PTBP3: variants seen among roughly 807,000 people sequenced by gnomAD.
The protein encoded by PTBP3 is polypyrimidine tract-binding protein 3.
A neutral mutation model predicts 58.7 loss-of-function variants in PTBP3; 20 were observed. That is an observed-to-expected ratio of 0.34 (90% CI 0.24 to 0.50). The LOEUF is 0.50. PTBP3 is among the 20% of genes least tolerant of loss of function. PTBP3 has a pLI of 0.98. For missense variants in PTBP3, 509 were observed against 637.2 expected (o/e 0.80, Z 2.17); for synonymous variants, 185 against 219.8 (o/e 0.84, Z 1.40).
intron 6 of PTBP3, 39 bp downstream of exon 6, chr9:112,252,639 T>A: frequency 1.4e-6 from 2 of 1,422,480 alleles, no homozygotes; most frequent in Non-Finnish European, 2.0e-6. Flanking sequence ...ATCACTGGAG[T>A]GATTAACAAT....
the PTBP3 span, among the ~76,000 whole-genome samples, chr9:112,343,463 C>T: frequency 6.6e-6 from 1 of 152,158 alleles, no homozygotes; most frequent in African/African-American, 2.4e-5. Flanking sequence ...TATTATCCAA[C>T]TTTAAAAATT....
intron 10 of PTBP3, among the ~76,000 whole-genome samples, chr9:112,229,883 TTAAC>T (rs1835134613): frequency 6.6e-6 from 1 of 152,162 alleles, no homozygotes; most frequent in Non-Finnish European, 1.5e-5. Flanking sequence ...GAGTGAGAAA[TTAAC>T]TACTTTTGGT....
intron 1 of PTBP3, among the ~76,000 whole-genome samples, chr9:112,325,704 T>C (rs572034170): frequency 1.2e-4 from 18 of 151,972 alleles, no homozygotes; most frequent in Non-Finnish European, 2.1e-4. Context: ...TTATGCTCTA[T>C]GATTCCATTT....
the PTBP3 span, among the ~76,000 whole-genome samples, chr9:112,348,974 G>T: frequency 6.6e-6 from 1 of 152,156 alleles, no homozygotes; most frequent in African/African-American, 2.4e-5. Context: ...TGGTGTTGTG[G>T]TATAAGAAAT....
the PTBP3 span, among the ~76,000 whole-genome samples, chr9:112,371,438 GT>G: frequency 3.3e-5 from 5 of 152,068 alleles, no homozygotes; most frequent in African/African-American, 1.2e-4. Flanking sequence ...TAATTCATCT[GT>G]TTCAACTCAA....
At chr9:112,290,530 T>C (rs1279625779) in intron 2 of PTBP3, among the ~76,000 whole-genome samples, 1 of 151,084 alleles carries the variant, frequency 6.6e-6, no homozygotes, top group Non-Finnish European at 1.5e-5. Context: ...AAATTAGCCA[T>C]GTGTAGTGGC....
chr9:112,338,180 G>A (rs1354680933), upstream of PTBP3, among the ~76,000 whole-genome samples: 1 of 152,208 alleles, frequency 6.6e-6, no homozygotes, highest in Non-Finnish European at 1.5e-5. Flanking sequence ...AGATGGAAGA[G>A]GATACAGACA....
At chr9:112,260,373 C>T (rs1249197383) in intron 5 of PTBP3, among the ~76,000 whole-genome samples, 1 of 152,166 alleles carries the variant, frequency 6.6e-6, no homozygotes, top group Non-Finnish European at 1.5e-5. Flanking sequence ...GCTATAGAGG[C>T]AGTAGAGTCA....
chr9:112,253,681 A>G (rs368793495), intron 5 of PTBP3, among the ~76,000 whole-genome samples: 58 of 152,282 alleles, frequency 3.8e-4, no homozygotes, highest in African/African-American at 1.3e-3. Context: ...TCATAGGGAC[A>G]GTTTCCCCTT....
chr9:112,354,409 G>C, the PTBP3 span, among the ~76,000 whole-genome samples: 1 of 152,158 alleles, frequency 6.6e-6, no homozygotes, highest in Non-Finnish European at 1.5e-5. Context: ...GTCAGTAGCA[G>C]AAAAACAAAA....
chr9:112,285,138 C>A (rs1344445275), intron 2 of PTBP3, among the ~76,000 whole-genome samples: 1 of 152,102 alleles, frequency 6.6e-6, no homozygotes, highest in Non-Finnish European at 1.5e-5. Flanking sequence ...GAGGGGGAGA[C>A]CTGGTGGGAG....
At chr9:112,285,805 C>T (rs942228045) in intron 2 of PTBP3, among the ~76,000 whole-genome samples, 1 of 152,172 alleles carries the variant, frequency 6.6e-6, no homozygotes, top group African/African-American at 2.4e-5. Flanking sequence ...TGAAAGTGGG[C>T]AATGGGATGG....
At chr9:112,361,778 C>A in the PTBP3 span, among the ~76,000 whole-genome samples, 1 of 152,160 alleles carries the variant, frequency 6.6e-6, no homozygotes, top group Non-Finnish European at 1.5e-5. Context: ...TGTGGACATT[C>A]GGGAACTAGC....
intron 7 of PTBP3, among the ~76,000 whole-genome samples, chr9:112,240,623 G>T: frequency 6.8e-6 from 1 of 146,914 alleles, no homozygotes. Context: ...ACTTTTTATT[G>T]TTATTTTAGA....
chr9:112,243,072 T>G (rs1298225205), intron 7 of PTBP3, among the ~76,000 whole-genome samples: 1 of 150,702 alleles, frequency 6.6e-6, no homozygotes, highest in South Asian at 2.1e-4. Flanking sequence ...TATATATCTA[T>G]CCTTCTGACA....
intron 7 of PTBP3, among the ~76,000 whole-genome samples, chr9:112,239,815 AAGGG>A (rs1400798712): frequency 7.0e-4 from 49 of 70,094 alleles, no homozygotes; most frequent in African/African-American, 1.5e-3. Flanking sequence ...GGAAGGAAGG[AAGGG>A]AGGAAGGGAG....
chr9:112,239,188 T>A (rs1213618569), intron 7 of PTBP3, among the ~76,000 whole-genome samples: 1 of 152,076 alleles, frequency 6.6e-6, no homozygotes, highest in Admixed American at 6.6e-5. Flanking sequence ...AAGTTAAAAA[T>A]CTAGATAAAA....
the PTBP3 span, among the ~76,000 whole-genome samples, chr9:112,357,143 A>G: frequency 6.6e-6 from 1 of 151,802 alleles, no homozygotes; most frequent in African/African-American, 2.4e-5. Context: ...CAGCCTCCCA[A>G]AGTGTTGAGA....
intron 5 of PTBP3, among the ~76,000 whole-genome samples, chr9:112,257,899 C>G (rs1836438528): frequency 6.8e-6 from 1 of 147,958 alleles, no homozygotes; most frequent in Admixed American, 6.8e-5. Context: ...ATGATTGCAC[C>G]ACCACACTCC....
Sources: allele counts gnomAD v4.1 joint callset (sites outside exome capture counted in the v4.1 genomes callset), GRCh38; gene constraint gnomAD v4.1.1; transcripts MANE v1.5; gene names NCBI Gene and HGNC (gene_info 2026-07-23, HGNC 2026-07-21).